The following SDK1 variants were observed in gnomAD, a reference collection of about 807,000 sequenced individuals.
SDK1 encodes the protein protein sidekick-1.
In SDK1, 157 loss-of-function variants were observed where a neutral mutation model predicts 245.5. That is an observed-to-expected ratio of 0.64 (90% CI 0.56 to 0.73). The LOEUF (loss-of-function observed/expected upper bound fraction) is 0.73. SDK1 is among the 30% of genes least tolerant of loss of function. The pLI is 0.00. For synonymous variants in SDK1, 1,647 were observed against 1,278.5 expected (o/e 1.29, Z -6.15); for missense variants, 3,583 against 3,002.3 (o/e 1.19, Z -4.52).
At chr7:3,690,700 A>G (rs1784417246) in intron 4 of SDK1, among the ~76,000 whole-genome samples, 1 of 152,184 alleles carries the variant, frequency 6.6e-6, no homozygotes, top group Admixed American at 6.5e-5. Flanking sequence ...TTCCATATTA[A>G]TCTTAACCCC....
At chr7:4,048,110 G>A (rs1484015783) in intron 17 of SDK1, among the ~76,000 whole-genome samples, 1 of 152,182 alleles carries the variant, frequency 6.6e-6, no homozygotes, top group Non-Finnish European at 1.5e-5. Flanking sequence ...TTTTGGGGAA[G>A]GGAGCCGAGA....
At chr7:3,477,508 TC>T (rs1188333304) in intron 1 of SDK1, among the ~76,000 whole-genome samples, 1 of 150,830 alleles carries the variant, frequency 6.6e-6, no homozygotes, top group African/African-American at 2.4e-5. Context: ...TTTGTTTCTT[TC>T]TTTTTTCTTT....
At chr7:3,918,179 C>G (rs897666725) in intron 5 of SDK1, among the ~76,000 whole-genome samples, 13 of 152,176 alleles carry the variant, frequency 8.5e-5, no homozygotes, top group African/African-American at 3.1e-4. Context: ...CGTGTCTTCC[C>G]TCTCAACACC....
At chr7:4,257,662 G>A (rs918959706) in intron 44 of SDK1, among the ~76,000 whole-genome samples, 1 of 152,138 alleles carries the variant, frequency 6.6e-6, no homozygotes, top group Admixed American at 6.5e-5. Context: ...TAGCAAGAAG[G>A]AAAAGCCTCT....
rs200274002 is a variant in SDK1 at position 4,110,717 on chromosome 7, G to A, written c.3379G>A (p.Glu1127Lys). 1.6e-5 allele frequency: 26 copies of A among 1,614,090 alleles called. No homozygotes were observed. The highest frequency in any genetic ancestry group is 1.3e-4 in the East Asian group (6 of 44,858). The change falls in exon 23 of 45, where the codon GAG becomes AAG. Residue 1127 changes from glutamate (E) to lysine (K), a missense_variant. Physicochemically the swap from Glu to Lys is moderately conservative, Grantham distance 56 (BLOSUM62 1). Transcript: ENST00000404826. ...GGTCACCCTCTATGAAGAGGAGAAT[G>A]AGCCTGATGCCCAGATGCTGGAGAT... ...EWVTLYEEEN[E>K]PDAQMLEIPN...
At chr7:4,070,101 G>A (rs530982135) in intron 20 of SDK1, among the ~76,000 whole-genome samples, 16 of 152,306 alleles carry the variant, frequency 1.1e-4, no homozygotes, top group African/African-American at 3.6e-4. Context: ...TCCAAACAAC[G>A]GAAGTGTTAA....
intron 5 of SDK1, among the ~76,000 whole-genome samples, chr7:3,926,753 C>A (rs959377000): frequency 1.3e-5 from 2 of 152,254 alleles, no homozygotes; most frequent in African/African-American, 4.8e-5. Flanking sequence ...CTCCGTAAGG[C>A]ACGGTGGTTC....
chr7:3,380,712 A>G (rs1220481377), intron 1 of SDK1, among the ~76,000 whole-genome samples: 1 of 152,214 alleles, frequency 6.6e-6, no homozygotes, highest in Admixed American at 6.5e-5. Flanking sequence ...TTTACTGTAG[A>G]GTACGGCTTT....
chr7:3,577,568 G>T (rs1472555981), intron 1 of SDK1, among the ~76,000 whole-genome samples: 1 of 151,982 alleles, frequency 6.6e-6, no homozygotes, highest in Non-Finnish European at 1.5e-5. Flanking sequence ...GTCCATGATG[G>T]AACCTCCCTC....
intron 5 of SDK1, among the ~76,000 whole-genome samples, chr7:3,902,550 C>T (rs1190514543): frequency 6.6e-6 from 1 of 151,934 alleles, no homozygotes; most frequent in Non-Finnish European, 1.5e-5. Context: ...TTTCCTCTTC[C>T]ATTTGTTATA....
At chr7:3,356,054 G>A (rs1017523465) in intron 1 of SDK1, among the ~76,000 whole-genome samples, 12 of 152,186 alleles carry the variant, frequency 7.9e-5, no homozygotes, top group African/African-American at 1.9e-4. Flanking sequence ...CAGATAACAC[G>A]GTTTAAAAAG....
At position 4,267,037 on chromosome 7, in the gene SDK1, G is replaced by A. The variant is rs1198419404; in HGVS notation, c.*1653G>A. The A allele has an allele frequency of 1.8e-5, 18 of 985,458 alleles. No individual in the cohort carries two copies. The highest frequency in any genetic ancestry group is 5.2e-4 in the Middle Eastern group (1 of 1,936). 61.0% of individuals were successfully genotyped at this position (985,458 alleles called of 1,614,324 possible). The stretch of plus-strand genomic sequence containing the variant: ...TTGTGCACCTCCATGGGCAGAGGGT[G>A]TGGATATTGCCTGGATTCTGTGCTG... On this transcript the variant is annotated 3_prime_UTR_variant, in exon 45 of 45. Transcript: ENST00000404826.
At chr7:4,133,375 T>C (rs2128200389) in intron 28 of SDK1, among the ~76,000 whole-genome samples, 1 of 152,162 alleles carries the variant, frequency 6.6e-6, no homozygotes, top group East Asian at 1.9e-4. Flanking sequence ...GTATGTACAG[T>C]GGGGGGTGAG....
chr7:3,726,962 A>C (rs921833312), intron 4 of SDK1, among the ~76,000 whole-genome samples: 1 of 152,246 alleles, frequency 6.6e-6, no homozygotes, highest in East Asian at 1.9e-4. Flanking sequence ...CATTTATTGC[A>C]TACTAATCAA....
At position 4,257,415 on chromosome 7, in the gene SDK1, C is replaced by T. The variant is rs1203490456; in HGVS notation, c.6382-7709C>T. 9.8e-5 allele frequency among the ~76,000 whole-genome samples: 15 copies of T among 152,312 alleles called. No homozygotes were observed. In the East Asian group the frequency reaches 2.9e-3, roughly 29 times the overall value. On this transcript the variant is annotated intron_variant, in intron 44 of 44. Coordinates refer to ENST00000404826, the MANE Select transcript of SDK1 (RefSeq NM_152744.4). ...CCAAAAACAGACTCTGCAGCATTTC[C>T]ATTTTGTCAATAATTCTAACTCACT...
At chr7:3,852,750 CAAAAAAAAAAA>C (rs35116493) in intron 5 of SDK1, among the ~76,000 whole-genome samples, 1 of 28,160 alleles carries the variant, frequency 3.6e-5, no homozygotes, top group Non-Finnish European at 7.5e-5. Flanking sequence ...GACTCCGTCT[CAAAAAAAAAAA>C]AAAAAAAAAA....
At chr7:3,521,281 G>C (rs770580163) in intron 1 of SDK1, among the ~76,000 whole-genome samples, 3 of 152,040 alleles carry the variant, frequency 2.0e-5, no homozygotes, top group Admixed American at 1.3e-4. Flanking sequence ...GATTAGATTG[G>C]GGCCAGCCAA....
intron 1 of SDK1, among the ~76,000 whole-genome samples, chr7:3,612,350 C>T (rs1425845655): frequency 2.0e-5 from 3 of 152,154 alleles, no homozygotes; most frequent in Non-Finnish European, 4.4e-5. Flanking sequence ...TCTATTTAAA[C>T]CTCACCCCAG....
chr7:3,310,102 C>T (rs1245404972), intron 1 of SDK1, among the ~76,000 whole-genome samples: 2 of 152,206 alleles, frequency 1.3e-5, no homozygotes, highest in South Asian at 2.1e-4. Flanking sequence ...GCCATCATCT[C>T]TCAGTTTGCT....
Sources: gnomAD v4.1 joint callset for allele counts (sites outside exome capture counted in the v4.1 genomes callset) on GRCh38, gnomAD v4.1.1 for gene constraint, MANE v1.5 for transcripts, NCBI Gene and HGNC (gene_info 2026-07-23, HGNC 2026-07-21) for gene names.